Variants in CCDC40 observed in about 807,000 individuals in gnomAD.
The protein encoded by CCDC40 is coiled-coil domain 40 molecular ruler complex subunit, also known as coiled-coil domain-containing protein 40.
In CCDC40, 104 loss-of-function variants were observed where a neutral mutation model predicts 124.5. That is an observed-to-expected ratio of 0.84 (90% CI 0.71 to 0.98). The LOEUF (loss-of-function observed/expected upper bound fraction) is 0.98, where lower values mean the gene tolerates loss of function less well. Among genes scored for constraint, CCDC40 ranks in the 50% least tolerant of loss-of-function variants. The probability of loss-of-function intolerance (pLI) is 0.00; values close to 1 mark genes in which losing one functional copy is unlikely to be tolerated. For synonymous variants in CCDC40, 580 were observed against 602.9 expected, an observed-to-expected ratio of 0.96 and a Z score of 0.56; for missense variants, 1,463 against 1,503.9, an observed-to-expected ratio of 0.97 and a Z score of 0.45.
At chr17:80,065,731 G>A in intron 10 of CCDC40, 125 bp downstream of exon 10, 3 of 1,326,552 alleles carry the variant, frequency 2.3e-6, no homozygotes, top group Non-Finnish European at 3.2e-6. Flanking sequence ...TTGATCCCCG[G>A]GTCCGGGCTT....
chr17:80,077,483 A>T (rs1282765899), intron 10 of CCDC40, among the ~76,000 whole-genome samples: 1 of 152,196 alleles, frequency 6.6e-6, no homozygotes, highest in African/African-American at 2.4e-5. Flanking sequence ...AGATTGCGCC[A>T]TTGCACTCCA....
intron 10 of CCDC40, among the ~76,000 whole-genome samples, chr17:80,075,339 A>C (rs2038287157): frequency 1.4e-5 from 2 of 145,840 alleles, no homozygotes; most frequent in African/African-American, 5.1e-5. Context: ...GTGCAGTGGC[A>C]CGATCTCAGC....
chr17:80,039,748 A>G, intron 2 of CCDC40, 64 bp from the exon 3 acceptor site: 4 of 1,573,662 alleles, frequency 2.5e-6, no homozygotes, highest in Non-Finnish European at 3.5e-6. Flanking sequence ...CACTATAAAG[A>G]ATAAAACCTC....
chr17:80,090,044 G>A lies in CCDC40; in HGVS notation c.2832+160G>A, dbSNP rs566511148. 91 of 1,536,808 alleles carry A rather than the reference G, an allele frequency of 5.9e-5. No individual in the cohort carries two copies. The African/African-American group carries it at 1.1e-3, about 18-fold the overall frequency. On this transcript the variant is annotated intron_variant, in intron 17 of 19. Transcript: ENST00000397545. ...GGGTGAGATTTCCAGGGAGCGACCC[G>A]CTCCAGCAGAGTGACCTGCACTCCA...
chr17:80,062,667 A>G (rs1296879415), intron 9 of CCDC40, among the ~76,000 whole-genome samples: 1 of 151,930 alleles, frequency 6.6e-6, no homozygotes, highest in Admixed American at 6.6e-5. Context: ...GTAGCCTCAA[A>G]CTTCTGGGTC....
intron 9 of CCDC40, among the ~76,000 whole-genome samples, chr17:80,059,578 G>C (rs202032675): frequency 1.9e-5 from 2 of 102,808 alleles, no homozygotes; most frequent in African/African-American, 9.3e-5. Flanking sequence ...TTTTTTTTTT[G>C]AGACAGAGTC....
At chr17:80,099,236 A>AGCCGAGATCGCACCGC (rs910022379) in intron 19 of CCDC40, among the ~76,000 whole-genome samples, 2 of 151,660 alleles carry the variant, frequency 1.3e-5, no homozygotes, top group African/African-American at 4.8e-5. Flanking sequence ...GCTTGCAGTG[A>AGCCGAGATCGCACCGC]GCCGAGATCG....
At chr17:80,060,706 G>C (rs890179736) in intron 9 of CCDC40, among the ~76,000 whole-genome samples, 2 of 151,944 alleles carry the variant, frequency 1.3e-5, no homozygotes, top group African/African-American at 4.8e-5. Context: ...AAACAAAACC[G>C]TAAAGTTCTA....
intron 7 of CCDC40, among the ~76,000 whole-genome samples, chr17:80,054,708 T>C (rs2037693054): frequency 6.6e-6 from 1 of 152,230 alleles, no homozygotes; most frequent in Non-Finnish European, 1.5e-5. Flanking sequence ...ATGTGGTGGC[T>C]CACGCCTGTA....
In CCDC40 at chr17:80,047,372, G is replaced by A; in HGVS notation, c.646G>A (p.Asp216Asn). ...LSHGSDIESS[D>N]LEEFVSQEPV... Reference sequence around the variant, plus strand: ...CCACGGGAGCGACATCGAGTCCTCAGACCTGGAGGAGTTCGTCTCGCAGGA... The same window carrying A: ...CCACGGGAGCGACATCGAGTCCTCAAACCTGGAGGAGTTCGTCTCGCAGGA... The change falls in exon 4 of 20, where the codon GAC becomes AAC. Residue 216 changes from aspartate (D) to asparagine (N), a missense_variant. Asp to Asn is a conservative substitution (Grantham distance 23). Transcript: ENST00000397545. 6.2e-7 allele frequency: 1 copy of A among 1,613,550 alleles called. No individual in the cohort carries two copies. The highest frequency in any genetic ancestry group is 1.7e-4 in the Middle Eastern group (1 of 6,032).
In CCDC40 at chr17:80,039,918, G is replaced by A. The variant is rs794727512; in HGVS notation, c.200G>A (p.Gly67Glu). ...TTQAEAAIEE[G>E]EVETEGEAAV... ...CAAGCGGAAGCTGCAATTGAAGAGGGGGAGGTGGAGACAGAAGGGGAAGCA... is the reference window on the plus strand; with the variant it reads ...CAAGCGGAAGCTGCAATTGAAGAGGAGGAGGTGGAGACAGAAGGGGAAGCA... Residue 67 changes from glycine to glutamate, a missense_variant, in exon 3 of 20, where the codon GGG (glycine) becomes GAG (glutamate). By Grantham distance (98) the Gly-to-Glu change is moderately conservative (BLOSUM62 -2). Coordinates refer to ENST00000397545, the MANE Select transcript of CCDC40 (RefSeq NM_017950.4). 8 of 1,613,342 alleles carry A rather than the reference G, an allele frequency of 5.0e-6. No individual in the cohort carries two copies. The highest frequency in any genetic ancestry group is 1.6e-4 in the Middle Eastern group (1 of 6,082).
At chr17:80,078,586 T>TTG (rs1171897404) in intron 10 of CCDC40, among the ~76,000 whole-genome samples, 3 of 152,154 alleles carry the variant, frequency 2.0e-5, no homozygotes, top group East Asian at 3.9e-4. Context: ...GATCAATGTA[T>TTG]TGTGTGTGTG....
chr17:80,091,704 T>TA (rs1407523152), intron 17 of CCDC40, among the ~76,000 whole-genome samples: 2 of 152,164 alleles, frequency 1.3e-5, no homozygotes, highest in Non-Finnish European at 1.5e-5. Flanking sequence ...AGGCATTCCT[T>TA]AGCCCAGTTA....
chr17:80,077,127 A>G (rs961877720), intron 10 of CCDC40, among the ~76,000 whole-genome samples: 26 of 152,210 alleles, frequency 1.7e-4, no homozygotes, highest in African/African-American at 6.3e-4. Flanking sequence ...GGGAACCAAA[A>G]AAGATTGTGT....
In CCDC40 at chr17:80,047,324, G is replaced by A. The variant is rs200292678; in HGVS notation, c.598G>A (p.Val200Ile). ...CCAGGGGCAGGTGCTCCCAATGGGC[G>A]TCCAGCACCGCTTCCGGCTGAGCCA... Reference protein sequence around the residue: ...EPQGQVLPMGVQHRFRLSHGS... With the variant: ...EPQGQVLPMGIQHRFRLSHGS... The change falls in exon 4 of 20, where the codon GTC becomes ATC. Residue 200 changes from valine (V) to isoleucine (I), a missense_variant. By Grantham distance (29) the Val-to-Ile change is conservative (BLOSUM62 3). Transcript: ENST00000397545. 180 of 1,613,708 alleles carry A rather than the reference G, an allele frequency of 1.1e-4. No homozygotes were observed. Among genetic ancestry groups the A allele is most frequent in the African/African-American group, 3.5e-4 (26 of 75,052 alleles).
At chr17:80,091,648 C>T (rs1367841524) in intron 17 of CCDC40, among the ~76,000 whole-genome samples, 2 of 151,938 alleles carry the variant, frequency 1.3e-5, no homozygotes, top group African/African-American at 4.8e-5. Context: ...CCAGGGACAC[C>T]CTCACAGTTC....
chr17:80,051,358 A>C (rs1046695642), intron 7 of CCDC40: 5 of 918,898 alleles, frequency 5.4e-6, no homozygotes, highest in Non-Finnish European at 6.5e-6. Flanking sequence ...GGCTGGGCGC[A>C]GTGGCTCACG....
intron 19 of CCDC40, 127 bp downstream of exon 19, chr17:80,097,530 G>A: frequency 1.1e-6 from 1 of 882,430 alleles, no homozygotes; most frequent in Non-Finnish European, 1.7e-6. Context: ...CCTGATCCCA[G>A]GCCAGTAATA....
rs751638787 is a variant in CCDC40, at chr17:80,088,096, A to G, written c.2705A>G (p.Glu902Gly). The G allele has an allele frequency of 3.7e-6, 6 of 1,611,662 alleles. No individual in the cohort carries two copies. Among genetic ancestry groups the G allele is most frequent in the South Asian group, 3.3e-5 (3 of 91,026 alleles). ...GCGACCCTCCTGAATCAACTGGTGG[A>G]AGCAGAGTGAGTCCCAGTCTCCAGC... ...EKATLLNQLV[E>G]AEHQIMLWEK... The change falls in exon 16 of 20, where the codon GAA (glutamate) becomes GGA (glycine). Residue 902 changes from glutamate (E) to glycine (G), a missense_variant. Glu to Gly is a moderately conservative substitution (Grantham distance 98). Transcript: ENST00000397545.
Sources: allele counts gnomAD v4.1 joint callset (sites outside exome capture counted in the v4.1 genomes callset), GRCh38; gene constraint gnomAD v4.1.1; transcripts MANE v1.5; gene names NCBI Gene and HGNC (gene_info 2026-07-23, HGNC 2026-07-21).